IGFBPL1: variants seen among roughly 807,000 people sequenced by gnomAD.
IGFBPL1 encodes the protein insulin like growth factor binding protein like 1.
A neutral mutation model predicts 23.9 loss-of-function variants in IGFBPL1; 20 were observed. That is an observed-to-expected ratio of 0.84 (90% CI 0.59 to 1.22). IGFBPL1 has a LOEUF of 1.22. IGFBPL1 is among the 50% of genes most tolerant of loss of function. The pLI is 0.00. For missense variants in IGFBPL1, 436 were observed against 379.3 expected, an observed-to-expected ratio of 1.15 and a Z score of -1.24; for synonymous variants, 184 against 171.8, an observed-to-expected ratio of 1.07 and a Z score of -0.56.
chr9:38,414,411 A>G (rs116659349), intron 1 of IGFBPL1, among the ~76,000 whole-genome samples: 1,916 of 152,278 alleles, frequency 0.013, 29 homozygotes, highest in African/African-American at 0.044. Context: ...TGTTTTACCA[A>G]TGGGAAAGCA....
chr9:38,422,900 T>C (rs887893966), intron 1 of IGFBPL1, among the ~76,000 whole-genome samples: 2 of 152,150 alleles, frequency 1.3e-5, no homozygotes, highest in Non-Finnish European at 2.9e-5. Flanking sequence ...GGCTTCTTTC[T>C]TGAAGCTAAG....
rs561605063 is a variant in IGFBPL1 at position 38,414,281 on chromosome 9, G to A, written c.461-78C>T. On this transcript the variant is annotated intron_variant, in intron 1 of 4. Coordinates refer to ENST00000377694, the MANE Select transcript of IGFBPL1 (RefSeq NM_001007563.3). ...ACCCACCTCTAAATTCCCCTGCCGC[G>A]GAGAGCCCGCTGTGATGTCCTGACA... 204 of 793,202 alleles carry A rather than the reference G, an allele frequency of 2.6e-4. 5 individuals carry two copies. Among genetic ancestry groups the A allele is most frequent in the South Asian group, 1.1e-3 (65 of 60,648 alleles). 49.1% of individuals were successfully genotyped at this position (793,202 alleles called of 1,614,324 possible).
At position 38,407,053 on chromosome 9, in the gene IGFBPL1, T is replaced by C. The variant is rs1028497341; in HGVS notation, c.*2174A>G. Among the ~76,000 whole-genome samples the C allele has an allele frequency of 4.9e-4, 75 of 151,560 alleles. No homozygotes were observed. Among genetic ancestry groups the C allele is most frequent in the African/African-American group, 1.8e-3 (75 of 41,228 alleles). On this transcript the variant is annotated 3_prime_UTR_variant, in exon 5 of 5. Transcript: ENST00000377694. ...TTTCACTAAGGGTCTGACCAACTCA[T>C]CTCCCAACCATTCAAGACACAGGAG...
chr9:38,411,283 G>T, intron 4 of IGFBPL1, 108 bp downstream of exon 4: 1 of 927,380 alleles, frequency 1.1e-6, no homozygotes, highest in Non-Finnish European at 1.6e-6. Flanking sequence ...TCTTTCCCTG[G>T]TTTCCTCCAT....
At chr9:38,412,254 A>G (rs1218667299) in intron 3 of IGFBPL1, among the ~76,000 whole-genome samples, 1 of 152,188 alleles carries the variant, frequency 6.6e-6, no homozygotes, top group African/African-American at 2.4e-5. Flanking sequence ...AACTCATGCC[A>G]GTCGTGGGGG....
At chr9:38,423,854 C>G (rs1284136052) in intron 1 of IGFBPL1, 111 bp downstream of exon 1, 7 of 1,068,226 alleles carry the variant, frequency 6.6e-6, no homozygotes, top group Non-Finnish European at 6.0e-6. Flanking sequence ...TAAGGGGAAA[C>G]TGAGTGCCAG....
At chr9:38,414,033 TCACACACACACACACACA>T (rs3045140) in intron 2 of IGFBPL1, 43 bp downstream of exon 2, 4 of 761,122 alleles carry the variant, frequency 5.3e-6, no homozygotes, top group African/African-American at 1.9e-5. Flanking sequence ...TCCCTCTTTC[TCACACACACACACACACA>T]CACACACACA....
At chr9:38,417,300 T>C (rs1821613221) in intron 1 of IGFBPL1, among the ~76,000 whole-genome samples, 1 of 152,192 alleles carries the variant, frequency 6.6e-6, no homozygotes, top group South Asian at 2.1e-4. Flanking sequence ...ATCCTGCCTT[T>C]TCCCTAGAGG....
intron 4 of IGFBPL1, among the ~76,000 whole-genome samples, chr9:38,410,691 G>A (rs1222048290): frequency 6.6e-6 from 1 of 152,198 alleles, no homozygotes; most frequent in East Asian, 1.9e-4. Context: ...ACATGAGCAA[G>A]TGATCAACGT....
chr9:38,410,019 G>A (rs1821488732), intron 4 of IGFBPL1, among the ~76,000 whole-genome samples: 1 of 152,150 alleles, frequency 6.6e-6, no homozygotes, highest in Non-Finnish European at 1.5e-5. Flanking sequence ...GCACACAGAA[G>A]GTGTGCAACA....
chr9:38,417,379 T>A (rs1821614822), intron 1 of IGFBPL1, among the ~76,000 whole-genome samples: 1 of 152,170 alleles, frequency 6.6e-6, no homozygotes. Context: ...CATCCCCATT[T>A]CACAGATGAG....
chr9:38,407,863 C>A lies in IGFBPL1; in HGVS notation c.*1364G>T, dbSNP rs1923424. ...CTTAAAGGACTGTGCATAGTAAGGG[C>A]TCTCAATTCTTATTTTAAAATTGTA... On this transcript the variant is annotated 3_prime_UTR_variant, in exon 5 of 5. Transcript: ENST00000377694. Among the ~76,000 whole-genome samples the A allele has an allele frequency of 0.69, 104,824 of 152,050 alleles. 36,265 individuals are homozygous for A. Among genetic ancestry groups the A allele is most frequent in the Middle Eastern group, 0.76 (223 of 294 alleles).
At chr9:38,418,625 C>A (rs1222099126) in intron 1 of IGFBPL1, among the ~76,000 whole-genome samples, 1 of 152,204 alleles carries the variant, frequency 6.6e-6, no homozygotes, top group Non-Finnish European at 1.5e-5. Context: ...GCTTTCCTTT[C>A]TGCCTGCCTT....
chr9:38,415,960 C>T (rs1187271481), intron 1 of IGFBPL1, among the ~76,000 whole-genome samples: 1 of 152,196 alleles, frequency 6.6e-6, no homozygotes, highest in African/African-American at 2.4e-5. Context: ...ACCCATGTGC[C>T]TGAATGTAGC....
At chr9:38,417,468 C>T (rs1821616492) in intron 1 of IGFBPL1, among the ~76,000 whole-genome samples, 1 of 152,230 alleles carries the variant, frequency 6.6e-6, no homozygotes, top group Non-Finnish European at 1.5e-5. Flanking sequence ...TTCACTCCCA[C>T]ACTGGTTTCT....
At chr9:38,410,447 C>T (rs1050139601) in intron 4 of IGFBPL1, among the ~76,000 whole-genome samples, 1 of 149,862 alleles carries the variant, frequency 6.7e-6, no homozygotes, top group Non-Finnish European at 1.5e-5. Context: ...CGCACCACTG[C>T]ACTCCAGCCT....
In IGFBPL1 at chr9:38,408,499, G is replaced by A. The variant is rs1166329575; in HGVS notation, c.*728C>T. On this transcript the variant is annotated 3_prime_UTR_variant, in exon 5 of 5. Coordinates refer to ENST00000377694, the MANE Select transcript of IGFBPL1 (RefSeq NM_001007563.3). ...TCTGGTCTCCAAAGACCCAGCCAAG[G>A]CGCTCCTGAGTCTGGTAAAGCATCC... 1.3e-5 allele frequency among the ~76,000 whole-genome samples: 2 copies of A among 152,162 alleles called. No individual in the cohort carries two copies. Among genetic ancestry groups the A allele is most frequent in the Non-Finnish European group, 2.9e-5 (2 of 68,020 alleles).
chr9:38,413,885 G>A (rs1402450178), intron 2 of IGFBPL1, among the ~76,000 whole-genome samples: 1 of 152,152 alleles, frequency 6.6e-6, no homozygotes, highest in Non-Finnish European at 1.5e-5. Flanking sequence ...CTTCCAAGGG[G>A]AGAGGTTTGG....
chr9:38,414,562 G>A (rs1022031995), intron 1 of IGFBPL1, among the ~76,000 whole-genome samples: 7 of 152,134 alleles, frequency 4.6e-5, no homozygotes, highest in African/African-American at 7.2e-5. Context: ...AACGGCAGCC[G>A]ACTCCTAGAG....
Sources: allele counts gnomAD v4.1 joint callset (sites outside exome capture counted in the v4.1 genomes callset), GRCh38; gene constraint gnomAD v4.1.1; transcripts MANE v1.5; gene names NCBI Gene and HGNC (gene_info 2026-07-23, HGNC 2026-07-21).